FAM135B: variants seen among roughly 807,000 people sequenced by gnomAD.
FAM135B encodes the protein family with sequence similarity 135 member B.
FAM135B carries 43 observed loss-of-function variants against 127.7 expected under a neutral mutation model. The observed-to-expected ratio is 0.34, with a 90% confidence interval of 0.26 to 0.43. The LOEUF is 0.43. Among genes scored for constraint, FAM135B ranks in the 20% least tolerant of loss-of-function variants. The pLI is 1.00. For missense variants in FAM135B, 1,558 were observed against 1,725.6 expected, an observed-to-expected ratio of 0.90 and a Z score of 1.72; for synonymous variants, 670 against 665.1, an observed-to-expected ratio of 1.01 and a Z score of -0.11.
chr8:138,479,138 G>C (rs551666809), intron 1 of FAM135B, among the ~76,000 whole-genome samples: 1 of 152,306 alleles, frequency 6.6e-6, no homozygotes, highest in South Asian at 2.1e-4. Context: ...GCCAGGTATG[G>C]AAAGCGGTGT....
chr8:138,310,944 G>C (rs2130894433), intron 2 of FAM135B, 24 bp from the exon 3 acceptor site: 1 of 1,588,660 alleles, frequency 6.3e-7, no homozygotes, highest in Middle Eastern at 1.7e-4. Flanking sequence ...AGAGGACAGG[G>C]TGCTGAAGAT....
intron 1 of FAM135B, among the ~76,000 whole-genome samples, chr8:138,495,934 A>G (rs1815373879): frequency 6.6e-6 from 1 of 152,140 alleles, no homozygotes; most frequent in Non-Finnish European, 1.5e-5. Flanking sequence ...GATTGTCACT[A>G]TGAGCGATGT....
chr8:138,177,693 G>A (rs1232401800), intron 10 of FAM135B, among the ~76,000 whole-genome samples: 13 of 152,070 alleles, frequency 8.5e-5, no homozygotes, highest in Admixed American at 8.5e-4. Context: ...TGTTTAACTT[G>A]AGGTCTTATT....
In FAM135B at chr8:138,248,522, A is replaced by ATT. The variant is rs573296638; in HGVS notation, c.542+2317_542+2318dup. On this transcript the variant is annotated intron_variant, in intron 6 of 19. Transcript: ENST00000395297. ...CCCTGTCGGGTTAGTATCACATCTC[A>ATT]TTTTTAAAAAATTTCGGCTGGGTGC... Among the ~76,000 whole-genome samples, 107 of 152,194 alleles carry ATT rather than the reference A, an allele frequency of 7.0e-4. 1 individual carries two copies. The Middle Eastern group carries it at 0.014, about 19-fold the overall frequency.
chr8:138,176,017 G>T (rs1814433382), intron 11 of FAM135B, among the ~76,000 whole-genome samples: 1 of 152,152 alleles, frequency 6.6e-6, no homozygotes. Flanking sequence ...CCCACTGTGT[G>T]GATAAGGAAG....
intron 12 of FAM135B, among the ~76,000 whole-genome samples, chr8:138,155,178 T>G (rs1044946564): frequency 6.6e-6 from 1 of 152,210 alleles, no homozygotes; most frequent in African/African-American, 2.4e-5. Context: ...ACCCAGAATT[T>G]CATATCCAGC....
intron 1 of FAM135B, among the ~76,000 whole-genome samples, chr8:138,412,635 G>A (rs1587388809): frequency 6.6e-6 from 1 of 152,194 alleles, no homozygotes; most frequent in African/African-American, 2.4e-5. Context: ...TTGCACCCAC[G>A]CATGTCTATT....
chr8:138,397,388 T>C (rs1182358855), intron 1 of FAM135B, among the ~76,000 whole-genome samples: 1 of 152,192 alleles, frequency 6.6e-6, no homozygotes, highest in Non-Finnish European at 1.5e-5. Flanking sequence ...AGGTTTCCTT[T>C]TAGAGTGATA....
chr8:138,379,459 C>T (rs1337772151), intron 1 of FAM135B, among the ~76,000 whole-genome samples: 2 of 152,016 alleles, frequency 1.3e-5, no homozygotes, highest in South Asian at 2.1e-4. Flanking sequence ...AACAATAAAA[C>T]ATCTGTATGT....
intron 3 of FAM135B, among the ~76,000 whole-genome samples, chr8:138,292,124 C>G (rs904501324): frequency 1.3e-5 from 2 of 151,938 alleles, no homozygotes; most frequent in Non-Finnish European, 2.9e-5. Flanking sequence ...TGTATGCTAA[C>G]AACAAATACC....
In FAM135B at chr8:138,243,146, G is replaced by A. The variant is rs187161686; in HGVS notation, c.543-78C>T. ...GCCATTAACTCAGCCCCTTTGAGGA[G>A]TGTTCCTGTGAAGCATTTGGGATAA... On this transcript the variant is annotated intron_variant, in intron 6 of 19. Coordinates refer to ENST00000395297, the MANE Select transcript of FAM135B (RefSeq NM_015912.4). The surrounding 1 kb of genome is among the most constrained non-coding windows in gnomAD (Gnocchi z 7.5). 1.3e-6 allele frequency: 2 copies of A among 1,504,446 alleles called. No homozygotes were observed. The highest frequency in any genetic ancestry group is 1.8e-6 in the Non-Finnish European group (2 of 1,123,686). The allele number at this position is 1,504,446 out of a possible 1,614,324, so 93.2% of individuals were successfully genotyped here.
At chr8:138,261,853 G>A (rs907979794) in intron 4 of FAM135B, among the ~76,000 whole-genome samples, 2 of 152,152 alleles carry the variant, frequency 1.3e-5, no homozygotes. Context: ...TCACAATGAT[G>A]TCTATGTGCA....
At chr8:138,157,275 T>C (rs1019424469) in intron 12 of FAM135B, among the ~76,000 whole-genome samples, 1 of 152,118 alleles carries the variant, frequency 6.6e-6, no homozygotes, top group African/African-American at 2.4e-5. Context: ...CTCAATAAAC[T>C]AGGTATTGAT....
chr8:138,252,956 C>T (rs994349165), intron 5 of FAM135B, among the ~76,000 whole-genome samples: 88 of 152,180 alleles, frequency 5.8e-4, no homozygotes, highest in Middle Eastern at 3.4e-3. Flanking sequence ...TGCACCACCA[C>T]GCCCAGCTAA....
chr8:138,333,177 C>T (rs929576648), intron 2 of FAM135B, among the ~76,000 whole-genome samples: 2 of 152,126 alleles, frequency 1.3e-5, no homozygotes, highest in Non-Finnish European at 2.9e-5. Context: ...AGCCTCAAAA[C>T]CAATTCATGC....
At chr8:138,251,084 T>C (rs2130492120) in intron 5 of FAM135B, 70 bp from the exon 6 acceptor site, 1 of 1,570,080 alleles carries the variant, frequency 6.4e-7, no homozygotes, top group Non-Finnish European at 8.7e-7. Flanking sequence ...AGCATGTCTG[T>C]ATTAAGCCTC....
At chr8:138,494,286 G>C (rs917752286) in intron 1 of FAM135B, among the ~76,000 whole-genome samples, 2 of 152,214 alleles carry the variant, frequency 1.3e-5, no homozygotes, top group Non-Finnish European at 2.9e-5. Context: ...TAGAAGTAAG[G>C]CTCATTCACT....
chr8:138,453,075 A>G (rs1387127742), intron 1 of FAM135B, among the ~76,000 whole-genome samples: 1 of 152,164 alleles, frequency 6.6e-6, no homozygotes, highest in African/African-American at 2.4e-5. Context: ...AGTGGGGATC[A>G]TGGAGGGGCA....
At chr8:138,272,259 C>A (rs908727256) in intron 3 of FAM135B, among the ~76,000 whole-genome samples, 7 of 152,090 alleles carry the variant, frequency 4.6e-5, no homozygotes, top group African/African-American at 1.4e-4. Context: ...CAGTAACACT[C>A]AAATATTTAG....
Sources: allele counts gnomAD v4.1 joint callset (sites outside exome capture counted in the v4.1 genomes callset), GRCh38; gene constraint gnomAD v4.1.1; non-coding constraint Gnocchi (gnomAD v3.1); transcripts MANE v1.5; gene names NCBI Gene and HGNC (gene_info 2026-07-23, HGNC 2026-07-21).